CNTRL: variants seen among roughly 807,000 people sequenced by gnomAD.
CNTRL encodes the protein 110 kDa centrosomal protein.
Under a neutral mutation model 303.7 loss-of-function variants are expected in CNTRL, and 233 were observed. The observed-to-expected ratio is 0.77, with a 90% CI of 0.69 to 0.86. CNTRL has a LOEUF of 0.86. CNTRL is among the 40% of genes least tolerant of loss of function. The pLI, the probability that CNTRL is intolerant of heterozygous loss-of-function variation, is 0.00. For synonymous variants in CNTRL, 900 were observed against 922.2 expected, an observed-to-expected ratio of 0.98 and a Z score of 0.44; for missense variants, 2,524 against 2,650.6, an observed-to-expected ratio of 0.95 and a Z score of 1.05.
intron 2 of CNTRL, among the ~76,000 whole-genome samples, chr9:121,086,158 CTATT>C (rs2048333255): frequency 6.6e-6 from 1 of 152,132 alleles, no homozygotes; most frequent in South Asian, 2.1e-4. Flanking sequence ...GAAGATAACT[CTATT>C]CATTCATTTA....
intron 27 of CNTRL, 97 bp downstream of exon 27, chr9:121,155,010 A>G (rs2134346976): frequency 9.1e-7 from 1 of 1,093,582 alleles, no homozygotes; most frequent in Non-Finnish European, 1.4e-6. Flanking sequence ...TGATAAGAGG[A>G]CAGTTGTCCA....
At position 121,098,586 on chromosome 9, in the gene CNTRL, TA is replaced by T; in HGVS notation, c.808+20del. Reference sequence around the variant, plus strand: ...GATTCAGTTTAGGTAAGATTAAATTTAAAAAATAATAAATTTGGGTGAGGGA... The same window carrying T: ...GATTCAGTTTAGGTAAGATTAAATTTAAAAATAATAAATTTGGGTGAGGGA... On this transcript the variant is annotated intron_variant, in intron 7 of 43. Transcript: ENST00000373855. 1 of 1,509,492 alleles carries T rather than the reference TA, an allele frequency of 6.6e-7. No homozygotes were observed. The highest frequency in any genetic ancestry group is 1.2e-5 in the South Asian group (1 of 81,062). The allele number at this position is 1,509,492 out of a possible 1,614,324, so 93.5% of individuals were successfully genotyped here.
chr9:121,159,645 A>G (rs1233302674), intron 31 of CNTRL, among the ~76,000 whole-genome samples: 1 of 151,382 alleles, frequency 6.6e-6, no homozygotes. Context: ...AGATCGTGCC[A>G]CTGCACCCTG....
chr9:121,174,824 A>G (rs2053454447), intron 42 of CNTRL, among the ~76,000 whole-genome samples, 194 bp from the exon 43 acceptor site: 1 of 152,188 alleles, frequency 6.6e-6, no homozygotes, highest in Non-Finnish European at 1.5e-5. Flanking sequence ...GTTAATGACA[A>G]CACAGAAAAG....
Position 121,152,669 on chromosome 9 carries a change from C to G in CNTRL, c.4148C>G (p.Thr1383Ser), listed in dbSNP as rs984416841. The G allele has an allele frequency of 2.8e-5, 45 of 1,612,932 alleles. No homozygotes were observed. Among genetic ancestry groups the G allele is most frequent in the Non-Finnish European group, 3.8e-5 (45 of 1,179,208 alleles). The part of the protein sequence containing the change: ...LECEVEELHR[T>S]VQKRQQQKDF... The stretch of plus-strand genomic sequence containing the variant: ...TGTGAAGTAGAAGAATTACATAGAA[C>G]TGTCCAGAAACGTCAACAGCAAAAG... Residue 1383 changes from threonine (T) to serine (S), a missense_variant, in exon 26 of 44, where the codon ACT (threonine) becomes AGT (serine). By Grantham distance (58) the Thr-to-Ser change is moderately conservative. Transcript: ENST00000373855.
Position 121,098,373 on chromosome 9 carries a change from T to TAA in CNTRL, c.622-12_622-11insAA. ...AATTAAATTATACCAATACTAATGT[T>TAA]ATATCATTTCAGCTCCAAGATATAA... On this transcript the variant is annotated splice_polypyrimidine_tract_variant and intron_variant, in intron 6 of 43. Transcript: ENST00000373855. 6.4e-7 allele frequency: 1 copy of TAA among 1,556,394 alleles called. No individual in the cohort carries two copies. The highest frequency in any genetic ancestry group is 2.3e-5 in the East Asian group (1 of 44,428).
chr9:121,143,891 CTTTTA>C lies in CNTRL; in HGVS notation c.2872-6_2872-2del, dbSNP rs755530928. 6.3e-7 allele frequency: 1 copy of C among 1,576,394 alleles called. No individual in the cohort carries two copies. The highest frequency in any genetic ancestry group is 1.9e-5 in the Admixed American group (1 of 51,712). On this transcript the variant is annotated splice_region_variant and splice_polypyrimidine_tract_variant and intron_variant, in intron 19 of 43. Coordinates refer to ENST00000373855, the MANE Select transcript of CNTRL (RefSeq NM_007018.6). Reference sequence around the variant, plus strand: ...TGATTCATCTGTTTAATTAATATTTCTTTTATTTTAGAAGAAACTTGAAGATGCCA... The same window carrying C: ...TGATTCATCTGTTTAATTAATATTTCTTTTAGAAGAAACTTGAAGATGCCA...
intron 15 of CNTRL, among the ~76,000 whole-genome samples, chr9:121,137,613 A>G (rs981783296): frequency 6.6e-6 from 1 of 152,204 alleles, no homozygotes; most frequent in African/African-American, 2.4e-5. Context: ...ATCACTTGAC[A>G]GTTGTCAGGA....
chr9:121,115,979 A>C (rs2049956538), intron 11 of CNTRL, among the ~76,000 whole-genome samples: 1 of 152,210 alleles, frequency 6.6e-6, no homozygotes, highest in Admixed American at 6.5e-5. Flanking sequence ...CTGATTAATG[A>C]ACAAAATAGA....
intron 16 of CNTRL, 139 bp downstream of exon 16, chr9:121,138,818 G>A: frequency 2.7e-6 from 2 of 741,358 alleles, no homozygotes; most frequent in Non-Finnish European, 4.3e-6. Context: ...TCTGGGTGGA[G>A]CAGCACCATA....
rs1349682991 is a variant in CNTRL, at chr9:121,167,641, T to C, written c.5808T>C (p.Ile1936=). ...QQQLQVLQNE[I]EENKLKLVQQ... ...AACTTCAAGTGCTTCAGAATGAGAT[T>C]GAAGAAAACAAGCTCAAACTAGTCC... The change falls in exon 37 of 44, where the codon ATT becomes ATC. Residue 1936 remains isoleucine (I), a synonymous_variant. Transcript: ENST00000373855. 1 of 1,614,108 alleles carries C rather than the reference T, an allele frequency of 6.2e-7. No individual in the cohort carries two copies. The highest frequency in any genetic ancestry group is 1.1e-5 in the South Asian group (1 of 91,080).
intron 15 of CNTRL, among the ~76,000 whole-genome samples, chr9:121,137,898 A>G (rs2051282886): frequency 6.6e-6 from 1 of 152,126 alleles, no homozygotes; most frequent in Non-Finnish European, 1.5e-5. Flanking sequence ...CTTTTCACCA[A>G]TTCACTTGGT....
rs759066961 is a variant in CNTRL, at chr9:121,135,854, G to A, written c.2074G>A (p.Ala692Thr). Residue 692 changes from alanine (A) to threonine (T), a missense_variant, in exon 15 of 44, where the codon GCA becomes ACA. Transcript: ENST00000373855. The part of the protein sequence containing the change: ...SALQEQHEVN[A>T]SLQQTQGDLS... ...CCTCCAAGAGCAGCATGAGGTGAATGCATCTTTGCAGCAGACCCAGGGAGA... is the reference window on the plus strand; with the variant it reads ...CCTCCAAGAGCAGCATGAGGTGAATACATCTTTGCAGCAGACCCAGGGAGA... 3 of 1,613,974 alleles carry A rather than the reference G, an allele frequency of 1.9e-6. No homozygotes were observed. Among genetic ancestry groups the A allele is most frequent in the Non-Finnish European group, 2.5e-6 (3 of 1,179,914 alleles).
At chr9:121,096,376 T>C (rs1244534543) in intron 5 of CNTRL, 46 bp from the exon 6 acceptor site, 2 of 1,241,320 alleles carry the variant, frequency 1.6e-6, no homozygotes, top group Non-Finnish European at 2.2e-6. Context: ...ATGGAGAGAC[T>C]CTATAATTGT....
intron 15 of CNTRL, among the ~76,000 whole-genome samples, chr9:121,137,087 A>G (rs2051240706): frequency 6.6e-6 from 1 of 152,210 alleles, no homozygotes; most frequent in South Asian, 2.1e-4. Flanking sequence ...TGCCAGGAGC[A>G]GGGAGAGGAG....
Position 121,164,281 on chromosome 9 carries a change from A to G in CNTRL, c.5424-662A>G, listed in dbSNP as rs148295184. 1.1e-4 allele frequency among the ~76,000 whole-genome samples: 16 copies of G among 152,340 alleles called. No individual in the cohort carries two copies. In the East Asian group the frequency reaches 3.1e-3, roughly 29 times the overall value. ...CATACGCCAATCGGAAGATCTAGCC[A>G]TTCCACTCCTAGGTATTATATTTAT... On this transcript the variant is annotated intron_variant, in intron 34 of 43. Coordinates refer to ENST00000373855, the MANE Select transcript of CNTRL (RefSeq NM_007018.6).
intron 2 of CNTRL, among the ~76,000 whole-genome samples, chr9:121,083,395 G>C (rs1432734726): frequency 6.6e-6 from 1 of 151,978 alleles, no homozygotes; most frequent in African/African-American, 2.4e-5. Context: ...CTTTTTAAAT[G>C]TTTTCTTAAA....
At chr9:121,117,706 A>G (rs987055633) in intron 11 of CNTRL, among the ~76,000 whole-genome samples, 5 of 152,188 alleles carry the variant, frequency 3.3e-5, no homozygotes, top group Admixed American at 2.0e-4. Flanking sequence ...GAGGCTGGGC[A>G]TGGTGGCTCA....
At chr9:121,083,475 A>G (rs1176586012) in intron 2 of CNTRL, among the ~76,000 whole-genome samples, 2 of 152,346 alleles carry the variant, frequency 1.3e-5, no homozygotes, top group East Asian at 1.9e-4. Flanking sequence ...ACTGCCTTTC[A>G]TATCTTGTTC....
Sources: gnomAD v4.1 joint callset for allele counts (sites outside exome capture counted in the v4.1 genomes callset) on GRCh38, gnomAD v4.1.1 for gene constraint, MANE v1.5 for transcripts, NCBI Gene and HGNC (gene_info 2026-07-23, HGNC 2026-07-21) for gene names.